Variants in QKI observed in about 807,000 individuals in gnomAD.
The protein encoded by QKI is KH domain-containing RNA-binding protein QKI.
A neutral mutation model predicts 39.0 loss-of-function variants in QKI; 10 were observed. The ratio of observed to expected loss-of-function variants is 0.26; its 90% confidence interval spans 0.16 to 0.43. QKI has a LOEUF of 0.43. Ranked by LOEUF, QKI falls within the 20% of genes least tolerant of loss-of-function variation. The pLI, the probability that QKI is intolerant of heterozygous loss-of-function variation, is 1.00. For missense variants in QKI, 218 were observed against 428.0 expected (o/e 0.51, Z 4.33); for synonymous variants, 204 against 155.4 (o/e 1.31, Z -2.33).
chr6:163,529,281 A>C (rs1423207365), intron 3 of QKI, among the ~76,000 whole-genome samples: 4 of 152,232 alleles, frequency 2.6e-5, no homozygotes, highest in African/African-American at 9.6e-5. Flanking sequence ...ACAGCAGAGC[A>C]CTGTGGGAAA....
intron 2 of QKI, among the ~76,000 whole-genome samples, chr6:163,467,153 TCACACA>T (rs763811466): frequency 1.3e-5 from 2 of 150,156 alleles, no homozygotes; most frequent in African/African-American, 2.4e-5. Context: ...GTGCTTAACA[TCACACA>T]CACACACACA....
At chr6:163,538,865 A>G (rs1439628902) in intron 4 of QKI, among the ~76,000 whole-genome samples, 1 of 152,194 alleles carries the variant, frequency 6.6e-6, no homozygotes, top group Admixed American at 6.5e-5. Flanking sequence ...ACTTCAAGCA[A>G]TTGGAGTTGT....
chr6:163,487,412 G>T (rs1329110486), intron 3 of QKI, among the ~76,000 whole-genome samples: 2 of 152,124 alleles, frequency 1.3e-5, no homozygotes, highest in African/African-American at 4.8e-5. Flanking sequence ...CTCTAAAATA[G>T]AACTCTAATG....
At chr6:163,480,280 TCTTCCTTC>T (rs765230677) in intron 3 of QKI, among the ~76,000 whole-genome samples, 1 of 152,094 alleles carries the variant, frequency 6.6e-6, no homozygotes, top group Non-Finnish European at 1.5e-5. Context: ...TCTCTCTCTT[TCTTCCTTC>T]CTTCCTTCCT....
At chr6:163,545,545 A>C (rs182099784) in intron 4 of QKI, among the ~76,000 whole-genome samples, 13 of 152,252 alleles carry the variant, frequency 8.5e-5, no homozygotes, top group Admixed American at 4.6e-4. Context: ...CTTCTTAAAC[A>C]CAACAGAGGG....
intron 3 of QKI, among the ~76,000 whole-genome samples, chr6:163,511,187 GTGAT>G (rs1779450059): frequency 6.6e-6 from 1 of 152,206 alleles, no homozygotes; most frequent in East Asian, 1.9e-4. Context: ...TTTGGACCGA[GTGAT>G]TGTGGAAATG....
At chr6:163,428,657 A>T (rs899138867) in intron 1 of QKI, among the ~76,000 whole-genome samples, 1 of 152,116 alleles carries the variant, frequency 6.6e-6, no homozygotes, top group African/African-American at 2.4e-5. Flanking sequence ...AATTGTTGAA[A>T]TACTGCTCAT....
At chr6:163,517,054 ACTCACT>A (rs1430162160) in intron 3 of QKI, among the ~76,000 whole-genome samples, 1 of 82,272 alleles carries the variant, frequency 1.2e-5, no homozygotes, top group Non-Finnish European at 2.6e-5. Flanking sequence ...ACACACACAC[ACTCACT>A]CTCTCTCTCT....
chr6:163,472,512 C>T (rs923894042), intron 2 of QKI, among the ~76,000 whole-genome samples: 8 of 152,028 alleles, frequency 5.3e-5, no homozygotes, highest in African/African-American at 1.9e-4. Context: ...GTTGTAATTG[C>T]CTTTACACAT....
intron 3 of QKI, among the ~76,000 whole-genome samples, chr6:163,492,759 T>C (rs562575249): frequency 6.6e-6 from 1 of 152,282 alleles, no homozygotes; most frequent in African/African-American, 2.4e-5. Flanking sequence ...AGTGAGATTA[T>C]TGAATAATAG....
At chr6:163,552,095 T>G (rs1782264397) in intron 4 of QKI, among the ~76,000 whole-genome samples, 1 of 152,164 alleles carries the variant, frequency 6.6e-6, no homozygotes, top group Non-Finnish European at 1.5e-5. Flanking sequence ...TATACTGTAT[T>G]CTTACAATAA....
At chr6:163,431,304 G>A (rs1582972413) in intron 1 of QKI, among the ~76,000 whole-genome samples, 1 of 152,092 alleles carries the variant, frequency 6.6e-6, no homozygotes, top group East Asian at 1.9e-4. Context: ...TTTCAGTAAT[G>A]AATTTTGTCT....
intron 4 of QKI, among the ~76,000 whole-genome samples, chr6:163,549,399 A>ATGTT (rs1782090400): frequency 6.6e-6 from 1 of 152,170 alleles, no homozygotes; most frequent in Non-Finnish European, 1.5e-5. Flanking sequence ...AAAGACCAAC[A>ATGTT]GCTAGAAAAC....
chr6:163,448,500 G>A (rs970958219), intron 1 of QKI, among the ~76,000 whole-genome samples: 1 of 152,050 alleles, frequency 6.6e-6, no homozygotes, highest in African/African-American at 2.4e-5. Context: ...GGCCAAGGCG[G>A]GTGGATCACC....
intron 4 of QKI, among the ~76,000 whole-genome samples, chr6:163,542,738 A>G (rs996387227): frequency 6.6e-6 from 1 of 152,026 alleles, no homozygotes; most frequent in African/African-American, 2.4e-5. Flanking sequence ...CTTTATAGGT[A>G]TTTGAGAACT....
chr6:163,480,450 T>A (rs1373422178), intron 3 of QKI, among the ~76,000 whole-genome samples: 1 of 152,188 alleles, frequency 6.6e-6, no homozygotes, highest in East Asian at 1.9e-4. Context: ...CCGCCTCATG[T>A]CTTTTAAGCC....
chr6:163,480,313 T>C (rs2128225882), intron 3 of QKI, among the ~76,000 whole-genome samples: 1 of 152,170 alleles, frequency 6.6e-6, no homozygotes, highest in South Asian at 2.1e-4. Flanking sequence ...TTCCATTGAC[T>C]TGAAGGGGCT....
At chr6:163,564,864 G>A in intron 6 of QKI, 3 of 1,407,856 alleles carry the variant, frequency 2.1e-6, no homozygotes, top group Admixed American at 2.7e-5. Flanking sequence ...CATGCATGCT[G>A]TTGACTTTTA....
At chr6:163,560,399 T>C (rs1285558822) in intron 4 of QKI, among the ~76,000 whole-genome samples, 1 of 152,210 alleles carries the variant, frequency 6.6e-6, no homozygotes, top group African/African-American at 2.4e-5. Flanking sequence ...AAAGTTAGTT[T>C]TAAAGAATGT....
Sources: gnomAD v4.1 joint callset for allele counts (sites outside exome capture counted in the v4.1 genomes callset) on GRCh38, gnomAD v4.1.1 for gene constraint, MANE v1.5 for transcripts, NCBI Gene and HGNC (gene_info 2026-07-23, HGNC 2026-07-21) for gene names.